Variants in XPO5 observed in about 807,000 individuals in gnomAD.
The protein encoded by XPO5 is exportin-5.
In XPO5, 46 loss-of-function variants were observed where a neutral mutation model predicts 160.6. The ratio of observed to expected loss-of-function variants is 0.29; its 90% CI spans 0.23 to 0.37. XPO5 has a LOEUF of 0.37. Ranked by LOEUF, XPO5 falls within the 10% of genes least tolerant of loss-of-function variation. The pLI is 1.00. For synonymous variants in XPO5, 537 were observed against 519.3 expected (o/e 1.03, Z -0.46); for missense variants, 1,090 against 1,463.9 (o/e 0.74, Z 4.17).
At chr6:43,573,336 A>G in intron 2 of XPO5, 144 bp downstream of exon 2, 2 of 1,072,340 alleles carry the variant, frequency 1.9e-6, no homozygotes, top group Non-Finnish European at 2.6e-6. Flanking sequence ...AGCTCCTGTG[A>G]GGTTCTGATA....
intron 8 of XPO5, among the ~76,000 whole-genome samples, chr6:43,564,672 G>C (rs1181655192): frequency 1.3e-5 from 2 of 152,010 alleles, no homozygotes; most frequent in African/African-American, 4.8e-5. Flanking sequence ...GCATGATCAT[G>C]GTTCACGATT....
chr6:43,524,064 C>T, intron 31 of XPO5, 59 bp from the exon 32 acceptor site: 1 of 1,581,516 alleles, frequency 6.3e-7, no homozygotes. Flanking sequence ...TTAAAAGATT[C>T]TCTTGGCCCG....
chr6:43,562,944 G>GT (rs980107782), intron 8 of XPO5, among the ~76,000 whole-genome samples: 3 of 152,164 alleles, frequency 2.0e-5, no homozygotes, highest in African/African-American at 7.2e-5. Context: ...TGAAAAATGT[G>GT]TATTAGAATG....
intron 22 of XPO5, 139 bp from the exon 23 acceptor site, chr6:43,530,963 A>ATAGATACAGCATCTT: frequency 9.1e-7 from 1 of 1,104,430 alleles, no homozygotes; most frequent in South Asian, 1.7e-5. Context: ...AAGAGAACTT[A>ATAGATACAGCATCTT]TAGATACAGC....
In XPO5 at chr6:43,540,301, A is replaced by G. The variant is rs565241490; in HGVS notation, c.2342+6270T>C. Among the ~76,000 whole-genome samples the G allele has an allele frequency of 3.9e-5, 6 of 152,316 alleles. No homozygotes were observed. In the South Asian group the frequency reaches 1.2e-3, roughly 32 times the overall value. On this transcript the variant is annotated intron_variant, in intron 20 of 31. Coordinates refer to ENST00000265351, the MANE Select transcript of XPO5 (RefSeq NM_020750.3). ...AAGATCATCCTGGCTAATACGGTGA[A>G]ACCCTGTCTCTACTAAAATTACAAA...
intron 20 of XPO5, among the ~76,000 whole-genome samples, chr6:43,535,769 G>A (rs910136603): frequency 6.2e-5 from 9 of 145,500 alleles, no homozygotes; most frequent in Non-Finnish European, 8.9e-5. Context: ...AGCTGAAATC[G>A]CGCCACTGCA....
chr6:43,539,895 T>C (rs1010646738), intron 20 of XPO5, among the ~76,000 whole-genome samples: 12 of 152,262 alleles, frequency 7.9e-5, no homozygotes, highest in Admixed American at 2.6e-4. Flanking sequence ...GTTTTCTATC[T>C]TGTTGAGTTA....
In XPO5 at chr6:43,572,491, C is replaced by A. The variant is rs764217480; in HGVS notation, c.300+15G>T. 1 of 1,613,622 alleles carries A rather than the reference C, an allele frequency of 6.2e-7. No individual in the cohort carries two copies. The highest frequency in any genetic ancestry group is 1.1e-5 in the South Asian group (1 of 91,056). On this transcript the variant is annotated intron_variant, in intron 3 of 31. Coordinates refer to ENST00000265351, the MANE Select transcript of XPO5 (RefSeq NM_020750.3). ...ACTACCTTGGAAACATGTCTCCCAA[C>A]CACCCATTCCTTACATTTGCAATCA... is the stretch of plus-strand genomic sequence containing the variant.
At position 43,561,034 on chromosome 6, in the gene XPO5, G is replaced by A. The variant is rs80346004; in HGVS notation, c.1012-27C>T. 3.9e-4 allele frequency: 602 copies of A among 1,562,884 alleles called. 2 individuals carry two copies. In the East Asian group the frequency reaches 9.8e-3, roughly 25 times the overall value. ...TGTAGGAGAAGACCACTATATTAAC[G>A]GTGTTGATCGAGAAAAGCAGGAGAG... On this transcript the variant is annotated intron_variant, in intron 9 of 31. Coordinates refer to ENST00000265351, the MANE Select transcript of XPO5 (RefSeq NM_020750.3).
At chr6:43,562,394 T>A (rs1293174064) in intron 8 of XPO5, 48 bp from the exon 9 acceptor site, 8 of 1,339,344 alleles carry the variant, frequency 6.0e-6, no homozygotes, top group Non-Finnish European at 8.4e-6. Flanking sequence ...AAAAAGGCTG[T>A]AATAAAAACA....
At chr6:43,568,255 C>G (rs763246525) in intron 6 of XPO5, among the ~76,000 whole-genome samples, 1 of 151,938 alleles carries the variant, frequency 6.6e-6, no homozygotes, top group African/African-American at 2.4e-5. Context: ...TGCAGTGAGC[C>G]GAGATCGCGC....
intron 2 of XPO5, 197 bp downstream of exon 2, chr6:43,573,283 G>A: frequency 3.0e-6 from 2 of 665,806 alleles, no homozygotes; most frequent in Non-Finnish European, 4.8e-6. Flanking sequence ...CACTTTACAT[G>A]GATGAAGAAA....
chr6:43,535,469 CATG>C (rs564658522), intron 20 of XPO5, among the ~76,000 whole-genome samples: 29 of 152,060 alleles, frequency 1.9e-4, no homozygotes, highest in Non-Finnish European at 3.7e-4. Context: ...GGGTGCCGGG[CATG>C]GTAGCTACAG....
Position 43,551,302 on chromosome 6 carries a change from G to T in XPO5, c.1724C>A (p.Ser575Tyr). Reference sequence around the variant, plus strand: ...CAAAGGAGATGGGCTTTATACCTTAGAGAAGACCTGGGGCAGGAACTCTGG... The same window carrying T: ...CAAAGGAGATGGGCTTTATACCTTATAGAAGACCTGGGGCAGGAACTCTGG... Reference protein sequence around the residue: ...YRPEFLPQVFSKLFSSVTFET... With the variant: ...YRPEFLPQVFYKLFSSVTFET... Residue 575 changes from serine (S) to tyrosine (Y), a missense_variant, in exon 15 of 32, where the codon TCT becomes TAT. This residue lies in a region of XPO5 where 810 missense variants were observed against 1,139.0 expected (regional missense o/e 0.71). Transcript: ENST00000265351. The T allele has an allele frequency of 6.2e-7, 1 of 1,610,396 alleles. No individual in the cohort carries two copies. Among genetic ancestry groups the T allele is most frequent in the South Asian group, 1.1e-5 (1 of 90,220 alleles).
intron 20 of XPO5, chr6:43,539,227 C>G (rs1452550286): frequency 9.0e-6 from 11 of 1,227,708 alleles, no homozygotes; most frequent in South Asian, 1.2e-5. Context: ...CAATGGAGAG[C>G]TTGGCCAGGA....
At chr6:43,563,279 A>C (rs899900452) in intron 8 of XPO5, among the ~76,000 whole-genome samples, 4 of 152,062 alleles carry the variant, frequency 2.6e-5, no homozygotes, top group Admixed American at 1.3e-4. Flanking sequence ...AGCGCATGCC[A>C]CCATACGCAG....
At chr6:43,531,005 A>G (rs890872057) in intron 22 of XPO5, among the ~76,000 whole-genome samples, 181 bp from the exon 23 acceptor site, 1 of 152,226 alleles carries the variant, frequency 6.6e-6, no homozygotes. Context: ...GGTGGCCGAG[A>G]TCAGCAGTAG....
chr6:43,575,969 G>T lies in XPO5; in HGVS notation c.-105C>A, dbSNP rs978729362. On this transcript the variant is annotated 5_prime_UTR_variant, in exon 1 of 32. Coordinates refer to ENST00000265351, the MANE Select transcript of XPO5 (RefSeq NM_020750.3). ...CCGTTGGTACCGGGCCGCGGCGGGCGGCGGGGGTGGGAAGCTGGAGGAGGA... is the reference window on the plus strand; with the variant it reads ...CCGTTGGTACCGGGCCGCGGCGGGCTGCGGGGGTGGGAAGCTGGAGGAGGA... The T allele has an allele frequency of 1.2e-5, 13 of 1,117,074 alleles. No homozygotes were observed. The highest frequency in any genetic ancestry group is 1.6e-5 in the Non-Finnish European group (12 of 769,018). 69.2% of individuals were successfully genotyped at this position (1,117,074 alleles called of 1,614,324 possible).
intron 18 of XPO5, 101 bp from the exon 19 acceptor site, chr6:43,547,808 C>A: frequency 1.0e-6 from 1 of 971,126 alleles, no homozygotes; most frequent in Non-Finnish European, 1.6e-6. Flanking sequence ...CCCTTAAGAG[C>A]AGTTTTTATA....
Sources: allele counts gnomAD v4.1 joint callset (sites outside exome capture counted in the v4.1 genomes callset), GRCh38; gene constraint gnomAD v4.1.1; regional missense constraint gnomAD v4.1.1; transcripts MANE v1.5; gene names NCBI Gene and HGNC (gene_info 2026-07-23, HGNC 2026-07-21).